Variants in AGBL1 observed in about 807,000 individuals in gnomAD.
AGBL1 encodes AGBL carboxypeptidase 1, also known as cytosolic carboxypeptidase 4.
A neutral mutation model predicts 118.9 loss-of-function variants in AGBL1; 130 were observed. The observed-to-expected ratio is 1.09, with a 90% CI of 0.95 to 1.26. AGBL1 has a LOEUF of 1.26. Among genes scored for constraint, AGBL1 ranks in the 50% most tolerant of loss-of-function variants. The pLI is 0.00. For missense variants in AGBL1, 1,584 were observed against 1,298.1 expected (o/e 1.22, Z -3.38); for synonymous variants, 555 against 478.9 (o/e 1.16, Z -2.08).
chr15:86,847,964 C>G (rs1014644053), intron 22 of AGBL1, among the ~76,000 whole-genome samples: 1 of 152,178 alleles, frequency 6.6e-6, no homozygotes, highest in African/African-American at 2.4e-5. Flanking sequence ...TGCAGAGAGA[C>G]TGGTCATTCA....
chr15:86,499,460 T>C (rs761505792), intron 18 of AGBL1, among the ~76,000 whole-genome samples: 5 of 151,792 alleles, frequency 3.3e-5, no homozygotes, highest in Non-Finnish European at 5.9e-5. Context: ...CAAAGAAATA[T>C]TTTAGAAGTT....
intron 10 of AGBL1, among the ~76,000 whole-genome samples, chr15:86,263,340 T>C (rs1007666934): frequency 6.6e-6 from 1 of 152,224 alleles, no homozygotes; most frequent in Non-Finnish European, 1.5e-5. Context: ...CCACACCATA[T>C]AGCCTAGGTA....
At chr15:86,204,509 TCC>T (rs2077958887) in intron 5 of AGBL1, among the ~76,000 whole-genome samples, 1 of 126,226 alleles carries the variant, frequency 7.9e-6, no homozygotes, top group African/African-American at 2.9e-5. Flanking sequence ...CCCTTCCCCT[TCC>T]CCTTCCCCTT....
At chr15:86,769,668 T>C (rs1016208685) in intron 22 of AGBL1, among the ~76,000 whole-genome samples, 2 of 151,984 alleles carry the variant, frequency 1.3e-5, no homozygotes, top group Admixed American at 6.6e-5. Flanking sequence ...CCCATCGACA[T>C]TGGTAGCATT....
At chr15:86,232,737 T>A (rs1015438095) in intron 6 of AGBL1, among the ~76,000 whole-genome samples, 2 of 152,134 alleles carry the variant, frequency 1.3e-5, no homozygotes, top group African/African-American at 4.8e-5. Context: ...CCATTTCCCC[T>A]CTCGCTCTTT....
intron 21 of AGBL1, among the ~76,000 whole-genome samples, chr15:86,622,371 C>A (rs185783357): frequency 1.7e-3 from 257 of 150,510 alleles, no homozygotes; most frequent in East Asian, 2.3e-3. Context: ...ACACAAAAAC[C>A]AGACAGGCCT....
intron 21 of AGBL1, among the ~76,000 whole-genome samples, chr15:86,620,673 G>A (rs1226462865): frequency 6.6e-6 from 1 of 152,152 alleles, no homozygotes; most frequent in African/African-American, 2.4e-5. Context: ...TTGCCCTGCT[G>A]CATTTCTACT....
chr15:86,565,761 A>G (rs1167687796), intron 21 of AGBL1, among the ~76,000 whole-genome samples: 1 of 152,156 alleles, frequency 6.6e-6, no homozygotes, highest in African/African-American at 2.4e-5. Flanking sequence ...GGCCTCCTTG[A>G]GCTGCCTTGG....
intron 19 of AGBL1, among the ~76,000 whole-genome samples, chr15:86,538,500 A>G (rs921566011): frequency 5.9e-5 from 9 of 152,146 alleles, no homozygotes; most frequent in Non-Finnish European, 7.4e-5. Flanking sequence ...TCCCTCAAAG[A>G]GATGTTAACT....
intron 18 of AGBL1, among the ~76,000 whole-genome samples, chr15:86,498,889 C>T (rs1486500436): frequency 3.3e-5 from 5 of 151,754 alleles, no homozygotes; most frequent in African/African-American, 4.8e-5. Flanking sequence ...TTTTCCTTTC[C>T]GTATTACTCT....
intron 22 of AGBL1, among the ~76,000 whole-genome samples, chr15:86,829,444 A>T (rs527417997): frequency 2.6e-4 from 39 of 152,320 alleles, no homozygotes; most frequent in African/African-American, 8.7e-4. Context: ...GCTGTGGTAA[A>T]GAATGATGAT....
intron 5 of AGBL1, among the ~76,000 whole-genome samples, chr15:86,205,460 G>A (rs182580160): frequency 6.7e-4 from 102 of 152,312 alleles, no homozygotes; most frequent in African/African-American, 2.0e-3. Flanking sequence ...AACCCATTTA[G>A]GTAAATACGA....
intron 17 of AGBL1, among the ~76,000 whole-genome samples, chr15:86,385,544 T>C (rs2081171969): frequency 6.6e-6 from 1 of 152,240 alleles, no homozygotes; most frequent in East Asian, 1.9e-4. Context: ...AGGCTTAAAT[T>C]ATTTTACTTC....
rs1417902308 is a variant in AGBL1 at position 86,092,598 on chromosome 15, C to T, written c.51+12575C>T. 6.6e-5 allele frequency among the ~76,000 whole-genome samples: 10 copies of T among 152,126 alleles called. No homozygotes were observed. The East Asian group carries it at 1.9e-3, about 29-fold the overall frequency. On this transcript the variant is annotated intron_variant, in intron 1 of 22. Coordinates refer to ENST00000614907, the MANE Select transcript of AGBL1 (RefSeq NM_001386094.1). ...AAAACTCTGGTATTTTTGCCTCAGT[C>T]TTAGTCCATTTTGTGCTGCAGTAAC...
chr15:86,082,680 A>G (rs1892641333), intron 1 of AGBL1, among the ~76,000 whole-genome samples: 1 of 152,238 alleles, frequency 6.6e-6, no homozygotes, highest in Admixed American at 6.5e-5. Context: ...TGCACACATG[A>G]GGAAGGGGTA....
chr15:86,349,481 G>A (rs552955579), intron 17 of AGBL1, among the ~76,000 whole-genome samples: 150 of 152,198 alleles, frequency 9.9e-4, no homozygotes, highest in Non-Finnish European at 1.7e-3. Context: ...ATTCCTATAC[G>A]TTATTTAAGT....
In AGBL1 at chr15:86,134,912, A is replaced by G. The variant is rs554095537; in HGVS notation, c.52-7092A>G. On this transcript the variant is annotated intron_variant, in intron 1 of 22. Coordinates refer to ENST00000614907, the MANE Select transcript of AGBL1 (RefSeq NM_001386094.1). ...ACAGGTGTAAGCCACTGTGCCAGCC[A>G]ATGGTGCCTATTTTTTTTTTTAACA... Among the ~76,000 whole-genome samples the G allele has an allele frequency of 7.1e-5, 10 of 139,970 alleles. No individual in the cohort carries two copies. In the East Asian group the frequency reaches 2.1e-3, roughly 29 times the overall value. 91.8% of individuals were successfully genotyped at this position (139,970 alleles called of 152,430 possible).
chr15:86,346,450 C>A (rs2080539038), intron 17 of AGBL1, among the ~76,000 whole-genome samples: 1 of 149,616 alleles, frequency 6.7e-6, no homozygotes. Flanking sequence ...GGGTTCATGG[C>A]ATTCTCCTGC....
At chr15:86,577,609 G>A (rs1238881749) in intron 21 of AGBL1, among the ~76,000 whole-genome samples, 1 of 152,194 alleles carries the variant, frequency 6.6e-6, no homozygotes, top group African/African-American at 2.4e-5. Flanking sequence ...AGCCTCTCCT[G>A]TCATTGGCCT....
Sources: gnomAD v4.1 joint callset for allele counts (sites outside exome capture counted in the v4.1 genomes callset) on GRCh38, gnomAD v4.1.1 for gene constraint, MANE v1.5 for transcripts, NCBI Gene and HGNC (gene_info 2026-07-23, HGNC 2026-07-21) for gene names.